Variants in EPS15 observed in about 807,000 individuals in gnomAD.
EPS15 encodes the protein epidermal growth factor receptor pathway substrate 15, also known as epidermal growth factor receptor substrate 15.
EPS15 carries 72 observed loss-of-function variants against 113.8 expected under a neutral mutation model. The ratio of observed to expected loss-of-function variants is 0.63; its 90% CI spans 0.52 to 0.77. The LOEUF is 0.77. Among genes scored for constraint, EPS15 ranks in the 30% least tolerant of loss-of-function variants. The pLI, the probability that EPS15 is intolerant of heterozygous loss-of-function variation, is 0.00. For missense variants in EPS15, 1,048 were observed against 1,045.8 expected (o/e 1.00, Z -0.03); for synonymous variants, 344 against 363.4 (o/e 0.95, Z 0.61).
At chr1:51,469,375 T>A (rs1655083789) in intron 4 of EPS15, among the ~76,000 whole-genome samples, 1 of 152,138 alleles carries the variant, frequency 6.6e-6, no homozygotes, top group African/African-American at 2.4e-5. Context: ...CAAAAAAAAT[T>A]ATGTAACGGT....
intron 13 of EPS15, among the ~76,000 whole-genome samples, chr1:51,411,079 T>C (rs975732853): frequency 6.6e-6 from 1 of 152,232 alleles, no homozygotes; most frequent in Non-Finnish European, 1.5e-5. Context: ...CCATGTGACA[T>C]ACCATCTGCA....
chr1:51,378,551 C>CGAAT (rs1174506295), intron 21 of EPS15, among the ~76,000 whole-genome samples: 1 of 152,174 alleles, frequency 6.6e-6, no homozygotes, highest in Non-Finnish European at 1.5e-5. Context: ...AAATCTAATT[C>CGAAT]ATCCAAGGAA....
rs757512128 is a variant in EPS15 at position 51,472,854 on chromosome 1, A to T, written c.165+5T>A. 1.2e-6 allele frequency: 2 copies of T among 1,603,708 alleles called. No individual in the cohort carries two copies. The highest frequency in any genetic ancestry group is 2.2e-5 in the South Asian group (2 of 90,872). ...TATAATCTAGTTATAATGAACGAAT[A>T]CTACCTTTCCAAGTATCAAGTCTGG... is the stretch of plus-strand genomic sequence containing the variant. On this transcript the variant is annotated splice_donor_5th_base_variant and intron_variant, in intron 3 of 24. Transcript: ENST00000371733.
At chr1:51,361,652 C>T (rs1646389561) in intron 23 of EPS15, among the ~76,000 whole-genome samples, 2 of 152,112 alleles carry the variant, frequency 1.3e-5, no homozygotes, top group African/African-American at 4.8e-5. Flanking sequence ...TAGCCACACC[C>T]AAGCAGCATG....
chr1:51,436,658 C>T (rs1652173982), intron 12 of EPS15, among the ~76,000 whole-genome samples: 1 of 152,042 alleles, frequency 6.6e-6, no homozygotes, highest in Admixed American at 6.6e-5. Context: ...AAGGCTTCCT[C>T]TCCCAGAGGA....
chr1:51,499,761 C>T (rs1024728816), intron 1 of EPS15, among the ~76,000 whole-genome samples: 2 of 152,114 alleles, frequency 1.3e-5, no homozygotes, highest in Non-Finnish European at 2.9e-5. Flanking sequence ...AATCTCTATT[C>T]AAGTCCTTTT....
At chr1:51,419,263 C>G (rs1002885866) in intron 13 of EPS15, among the ~76,000 whole-genome samples, 2 of 152,080 alleles carry the variant, frequency 1.3e-5, no homozygotes, top group South Asian at 2.1e-4. Context: ...AATGTGAAGT[C>G]ATCTTCAAGA....
chr1:51,507,839 T>C (rs1319301581), intron 1 of EPS15, among the ~76,000 whole-genome samples: 1 of 152,070 alleles, frequency 6.6e-6, no homozygotes, highest in Non-Finnish European at 1.5e-5. Flanking sequence ...CTTTTCGACA[T>C]GCATGTTCCA....
intron 11 of EPS15, among the ~76,000 whole-genome samples, chr1:51,443,056 T>C (rs1366336869): frequency 2.6e-5 from 4 of 152,194 alleles, no homozygotes; most frequent in African/African-American, 9.6e-5. Flanking sequence ...TTTGGGTTAA[T>C]AGATAAGATA....
chr1:51,363,627 A>G (rs1646439218), intron 23 of EPS15, among the ~76,000 whole-genome samples: 1 of 152,142 alleles, frequency 6.6e-6, no homozygotes, highest in Non-Finnish European at 1.5e-5. Context: ...GATTAAGTTA[A>G]AAAAAAGAAA....
At position 51,465,330 on chromosome 1, in the gene EPS15, T is replaced by C. The variant is rs201889199; in HGVS notation, c.310-4A>G. 363 of 1,599,892 alleles carry C rather than the reference T, an allele frequency of 2.3e-4. No individual in the cohort carries two copies. The highest frequency in any genetic ancestry group is 2.8e-4 in the Non-Finnish European group (327 of 1,169,878). On this transcript the variant is annotated splice_region_variant and splice_polypyrimidine_tract_variant and intron_variant, in intron 5 of 24. Transcript: ENST00000371733. ...GCAAAGGACTACTGGTATCATGCTATAGAAGAAAGTAAAGCACAACAAGAG... is the reference window on the plus strand; with the variant it reads ...GCAAAGGACTACTGGTATCATGCTACAGAAGAAAGTAAAGCACAACAAGAG...
chr1:51,439,093 C>T (rs1415161274), intron 12 of EPS15, among the ~76,000 whole-genome samples: 1 of 151,990 alleles, frequency 6.6e-6, no homozygotes, highest in Non-Finnish European at 1.5e-5. Flanking sequence ...GTACTATAGC[C>T]CTCTTGCCAA....
In EPS15 at chr1:51,468,527, A is replaced by G. The variant is rs1024414445; in HGVS notation, c.255T>C (p.Asn85=). The G allele has an allele frequency of 8.7e-6, 14 of 1,613,776 alleles. No individual in the cohort carries two copies. The African/African-American group carries it at 1.7e-4, about 20-fold the overall frequency. ...AACTACTTAGTGAAACTTCCAATCC[A>G]TTCTGGGCACATGCCACAAGACGCA... is the stretch of plus-strand genomic sequence containing the variant. ...VALRLVACAQ[N]GLEVSLSSLN... is the part of the protein sequence containing the mutation. The change falls in exon 5 of 25, where the codon AAT becomes AAC. Residue 85 remains asparagine (N), a synonymous_variant. Coordinates refer to ENST00000371733, the MANE Select transcript of EPS15 (RefSeq NM_001981.3).
rs954242227 is a variant in EPS15 at position 51,467,393 on chromosome 1, AT to A, written c.309+1079del. 2.2e-4 allele frequency among the ~76,000 whole-genome samples: 33 copies of A among 152,226 alleles called. 1 individual carries two copies. The highest frequency in any genetic ancestry group is 3.1e-4 in the Non-Finnish European group (21 of 68,034). On this transcript the variant is annotated intron_variant, in intron 5 of 24. Transcript: ENST00000371733. ...GTCCAAGTTTATTATTCATTGCAGC[AT>A]TTTTTTAATAATGAAAGATTCAAAA...
chr1:51,434,673 T>C (rs1651996581), intron 12 of EPS15, among the ~76,000 whole-genome samples: 1 of 152,110 alleles, frequency 6.6e-6, no homozygotes, highest in African/African-American at 2.4e-5. Context: ...GTGAATATAT[T>C]TCTTTTTCTT....
intron 1 of EPS15, among the ~76,000 whole-genome samples, chr1:51,503,880 C>T (rs1265713785): frequency 6.6e-6 from 1 of 152,114 alleles, no homozygotes; most frequent in Admixed American, 6.5e-5. Context: ...TACCATGTCA[C>T]AAGCAAAAGA....
At chr1:51,454,398 G>GT (rs1653820365) in intron 8 of EPS15, among the ~76,000 whole-genome samples, 1 of 152,184 alleles carries the variant, frequency 6.6e-6, no homozygotes, top group Non-Finnish European at 1.5e-5. Flanking sequence ...AAGGGAAAAA[G>GT]TAACTTTACA....
chr1:51,355,772 G>C lies in EPS15; in HGVS notation c.*928C>G, dbSNP rs1191973355. ...AAGTACCTTCCAGTTCTAGCTTGCT[G>C]AAGTTTCTTCTGCAAAAGTACAAAA... On this transcript the variant is annotated 3_prime_UTR_variant, in exon 25 of 25. Transcript: ENST00000371733. 5.2e-6 allele frequency: 1 copy of C among 192,604 alleles called. No individual in the cohort carries two copies. Among genetic ancestry groups the C allele is most frequent in the Non-Finnish European group, 1.1e-5 (1 of 93,098 alleles). The allele number at this position is 192,604 out of a possible 1,614,324, so 11.9% of individuals were successfully genotyped here.
intron 10 of EPS15, 139 bp downstream of exon 10, chr1:51,446,821 T>C (rs1653096916): frequency 1.5e-6 from 1 of 688,560 alleles, no homozygotes; most frequent in Non-Finnish European, 2.4e-6. Context: ...GCCAGAAGAA[T>C]TCTTCAGATT....
Sources: gnomAD v4.1 joint callset for allele counts (sites outside exome capture counted in the v4.1 genomes callset) on GRCh38, gnomAD v4.1.1 for gene constraint, MANE v1.5 for transcripts, NCBI Gene and HGNC (gene_info 2026-07-23, HGNC 2026-07-21) for gene names.